MARK3: variants seen among roughly 807,000 people sequenced by gnomAD.
MARK3 encodes the protein MAP/microtubule affinity-regulating kinase 3.
In MARK3, 46 loss-of-function variants were observed where a neutral mutation model predicts 90.1. That is an observed-to-expected ratio of 0.51 (90% CI 0.40 to 0.65). The LOEUF (loss-of-function observed/expected upper bound fraction) is 0.65. MARK3 is among the 30% of genes least tolerant of loss of function. The pLI is 0.00. For missense variants in MARK3, 818 were observed against 947.2 expected, an observed-to-expected ratio of 0.86 and a Z score of 1.79; for synonymous variants, 321 against 332.6, an observed-to-expected ratio of 0.97 and a Z score of 0.38.
At chr14:103,393,057 C>A (rs2090362154) in intron 1 of MARK3, among the ~76,000 whole-genome samples, 1 of 152,200 alleles carries the variant, frequency 6.6e-6, no homozygotes, top group Non-Finnish European at 1.5e-5. Context: ...GATCTTGGCT[C>A]ACTGCAACCT....
At chr14:103,448,875 CT>C in intron 3 of MARK3, 43 bp from the exon 4 acceptor site, 1 of 1,238,682 alleles carries the variant, frequency 8.1e-7, no homozygotes, top group Non-Finnish European at 1.1e-6. Context: ...TGTTTAATAA[CT>C]TGTGTTGGGG....
chr14:103,429,550 G>T (rs2092516485), intron 3 of MARK3, among the ~76,000 whole-genome samples: 2 of 152,154 alleles, frequency 1.3e-5, no homozygotes, highest in Admixed American at 6.5e-5. Context: ...GGGAGGTGGG[G>T]AGGGAGATAG....
Position 103,385,917 on chromosome 14 carries a change from C to T in MARK3, c.-113C>T. ...CCGTAGGGGGAAGGGAGCCGCCCTC[C>T]CCACGGCGCCTTTTCGGAACTGCCG... is the stretch of plus-strand genomic sequence containing the variant. On this transcript the variant is annotated 5_prime_UTR_variant, in exon 1 of 18. Coordinates refer to ENST00000429436, the MANE Select transcript of MARK3 (RefSeq NM_001128918.3). 1 of 834,966 alleles carries T rather than the reference C, an allele frequency of 1.2e-6. No individual in the cohort carries two copies. The highest frequency in any genetic ancestry group is 2.5e-5 in the East Asian group (1 of 40,526). The allele number at this position is 834,966 out of a possible 1,614,324, so 51.7% of individuals were successfully genotyped here.
At chr14:103,458,480 C>CAAA (rs959742114) in intron 6 of MARK3, among the ~76,000 whole-genome samples, 6 of 98,412 alleles carry the variant, frequency 6.1e-5, no homozygotes, top group Admixed American at 4.5e-4. Context: ...AAAAAAGAAG[C>CAAA]AGCAGCTGTA....
intron 3 of MARK3, among the ~76,000 whole-genome samples, chr14:103,428,653 C>G (rs572059618): frequency 4.6e-5 from 7 of 152,218 alleles, no homozygotes; most frequent in Admixed American, 1.3e-4. Context: ...ACAGCACAAA[C>G]TAAAGGCTGT....
intron 4 of MARK3, among the ~76,000 whole-genome samples, chr14:103,450,783 G>T (rs140009811): frequency 1.3e-5 from 2 of 151,706 alleles, no homozygotes; most frequent in Non-Finnish European, 2.9e-5. Context: ...CCCCAGTTTT[G>T]GGTAAACTTA....
At chr14:103,428,497 C>A in intron 3 of MARK3, 57 bp downstream of exon 3, 2 of 989,520 alleles carry the variant, frequency 2.0e-6, no homozygotes, top group South Asian at 1.6e-5. Flanking sequence ...TAATTGCCAT[C>A]TAATTTGTCC....
At chr14:103,477,058 A>G (rs1005792368) in intron 13 of MARK3, among the ~76,000 whole-genome samples, 2 of 152,178 alleles carry the variant, frequency 1.3e-5, no homozygotes, top group African/African-American at 2.4e-5. Context: ...CACCCATACT[A>G]AATTACTTAC....
chr14:103,494,700 G>C (rs2075237625), intron 15 of MARK3, among the ~76,000 whole-genome samples: 1 of 151,990 alleles, frequency 6.6e-6, no homozygotes, highest in African/African-American at 2.4e-5. Flanking sequence ...GCAGTGGCAT[G>C]ATCTCAGCCC....
In MARK3 at chr14:103,468,192, T is replaced by C. The variant is rs201141415; in HGVS notation, c.1264+6T>C. 1,089 of 1,612,764 alleles carry C rather than the reference T, an allele frequency of 6.8e-4. 4 individuals are homozygous for C. The highest frequency in any genetic ancestry group is 5.0e-4 in the Admixed American group (30 of 59,848). ...AAGACGCTACAGTGACCATGGTAAGTTTTGGAGTATCCCAGTGCCTTCTCT... is the reference window on the plus strand; with the variant it reads ...AAGACGCTACAGTGACCATGGTAAGCTTTGGAGTATCCCAGTGCCTTCTCT... On this transcript the variant is annotated splice_donor_region_variant and intron_variant, in intron 12 of 17. Coordinates refer to ENST00000429436, the MANE Select transcript of MARK3 (RefSeq NM_001128918.3).
At chr14:103,457,578 G>A (rs1446462663) in intron 6 of MARK3, among the ~76,000 whole-genome samples, 3 of 152,186 alleles carry the variant, frequency 2.0e-5, no homozygotes, top group Admixed American at 6.5e-5. Context: ...AGCTTTGTCT[G>A]ACATAAACCA....
At position 103,443,557 on chromosome 14, in the gene MARK3, G is replaced by A. The variant is rs189161612; in HGVS notation, c.298-5362G>A. On this transcript the variant is annotated intron_variant, in intron 3 of 17. Coordinates refer to ENST00000429436, the MANE Select transcript of MARK3 (RefSeq NM_001128918.3). Reference sequence around the variant, plus strand: ...AAGAGTCCAGGAATTGAGTACTGAGGCATTCTCAGGAAGAGCACCAAGAGA... The same window carrying A: ...AAGAGTCCAGGAATTGAGTACTGAGACATTCTCAGGAAGAGCACCAAGAGA... Among the ~76,000 whole-genome samples, 25 of 152,248 alleles carry A rather than the reference G, an allele frequency of 1.6e-4. No homozygotes were observed. In the East Asian group the frequency reaches 4.6e-3, roughly 28 times the overall value.
chr14:103,417,937 C>T (rs763637911), intron 2 of MARK3, among the ~76,000 whole-genome samples: 9 of 152,102 alleles, frequency 5.9e-5, no homozygotes, highest in Non-Finnish European at 8.8e-5. Flanking sequence ...GGCGTGGTGG[C>T]GCGCACCTGT....
At chr14:103,446,334 T>C (rs2092993733) in intron 3 of MARK3, among the ~76,000 whole-genome samples, 1 of 152,158 alleles carries the variant, frequency 6.6e-6, no homozygotes, top group South Asian at 2.1e-4. Flanking sequence ...GAGACCAGCC[T>C]GGCCAACGTG....
At chr14:103,409,904 G>A (rs756404967) in intron 2 of MARK3, among the ~76,000 whole-genome samples, 16 of 152,278 alleles carry the variant, frequency 1.1e-4, no homozygotes, top group South Asian at 2.1e-4. Context: ...TTAGCATTGC[G>A]TGTCCTTGTT....
At chr14:103,407,858 C>T (rs570606580) in intron 2 of MARK3, among the ~76,000 whole-genome samples, 1 of 152,208 alleles carries the variant, frequency 6.6e-6, no homozygotes, top group African/African-American at 2.4e-5. Flanking sequence ...CGTGCCCAAC[C>T]TTTGATGTAG....
Position 103,468,038 on chromosome 14 carries a change from T to G in MARK3, c.1116T>G (p.Asp372Glu). 6.2e-7 allele frequency: 1 copy of G among 1,613,256 alleles called. No individual in the cohort carries two copies. The highest frequency in any genetic ancestry group is 1.7e-4 in the Middle Eastern group (1 of 6,058). The part of the protein sequence containing the change: ...LLLGRKSSEL[D>E]ASDSSSSSNL... ...TTTTTCTCATTTTCTCTTAGCTGGATGCTAGTGATTCCAGTTCTAGCAGCA... is the reference window on the plus strand; with the variant it reads ...TTTTTCTCATTTTCTCTTAGCTGGAGGCTAGTGATTCCAGTTCTAGCAGCA... Residue 372 changes from aspartate (D) to glutamate (E), a missense_variant, in exon 12 of 18, where the codon GAT (aspartate) becomes GAG (glutamate). Transcript: ENST00000429436.
chr14:103,395,031 C>G (rs1229491003), intron 1 of MARK3, among the ~76,000 whole-genome samples: 1 of 152,126 alleles, frequency 6.6e-6, no homozygotes, highest in Non-Finnish European at 1.5e-5. Flanking sequence ...CCACCTGCCT[C>G]GGCCTCCCAA....
intron 13 of MARK3, among the ~76,000 whole-genome samples, chr14:103,479,537 A>G (rs949261346): frequency 1.3e-5 from 2 of 150,096 alleles, no homozygotes; most frequent in Non-Finnish European, 3.0e-5. Flanking sequence ...CCTAGCAGGT[A>G]TGAAGTAGTA....
Sources: gnomAD v4.1 joint callset for allele counts (sites outside exome capture counted in the v4.1 genomes callset) on GRCh38, gnomAD v4.1.1 for gene constraint, MANE v1.5 for transcripts, NCBI Gene and HGNC (gene_info 2026-07-23, HGNC 2026-07-21) for gene names.